Variants in STS observed in about 807,000 individuals in gnomAD.
The protein encoded by STS is steryl-sulfatase.
STS carries 7 observed loss-of-function variants against 26.8 expected under a neutral mutation model. That is an observed-to-expected ratio of 0.26 (90% CI 0.15 to 0.49). The LOEUF is 0.49. Ranked by LOEUF, STS falls within the 20% of genes least tolerant of loss-of-function variation. The pLI, the probability that STS is intolerant of heterozygous loss-of-function variation, is 0.98. For missense variants in STS, 434 were observed against 465.6 expected, an observed-to-expected ratio of 0.93 and a Z score of 0.63; for synonymous variants, 199 against 189.4, an observed-to-expected ratio of 1.05 and a Z score of -0.42.
chrX:7,308,576 C>T (rs748908826), intron 8 of STS, among the ~76,000 whole-genome samples: 3 of 111,450 alleles, frequency 2.7e-5, no homozygotes, highest in Non-Finnish European at 5.7e-5. Flanking sequence ...TATCATACAA[C>T]CCTGCAAGCA....
intron 1 of STS, among the ~76,000 whole-genome samples, chrX:7,151,517 G>A (rs1178399752): frequency 8.9e-6 from 1 of 111,946 alleles, no homozygotes; most frequent in African/African-American, 3.2e-5. Context: ...TTGCTTCAGA[G>A]GCACTGAATA....
At chrX:7,209,703 G>T (rs374314665) in intron 2 of STS, among the ~76,000 whole-genome samples, 1 of 106,660 alleles carries the variant, frequency 9.4e-6, no homozygotes, top group South Asian at 4.1e-4. Context: ...GAACGTGCAG[G>T]TTAGTTACAT....
chrX:7,202,286 T>G (rs1229317731), intron 2 of STS, among the ~76,000 whole-genome samples: 1 of 111,838 alleles, frequency 8.9e-6, no homozygotes, highest in Non-Finnish European at 1.9e-5. Context: ...AGTATCTTTG[T>G]TATTGACTCA....
intron 2 of STS, among the ~76,000 whole-genome samples, chrX:7,193,451 C>CT (rs11385075): frequency 0.25 from 24,754 of 98,395 alleles, 2,677 homozygotes; most frequent in Admixed American, 0.4. Context: ...CTTTAAGTAC[C>CT]TTTTTTTTTT....
Position 7,324,575 on chromosome X carries a change from T to C in STS, c.1082-764T>C, listed in dbSNP as rs529936525. Reference sequence around the variant, plus strand: ...TTCTATCAGGGCCTGCTATCTGTCGTGTTGGTATCTTATGGCTACAAACAG... The same window carrying C: ...TTCTATCAGGGCCTGCTATCTGTCGCGTTGGTATCTTATGGCTACAAACAG... On this transcript the variant is annotated intron_variant, in intron 8 of 10. Coordinates refer to ENST00000674429, the MANE Select transcript of STS (RefSeq NM_001320752.2). Among the ~76,000 whole-genome samples the C allele has an allele frequency of 9.0e-5, 10 of 111,717 alleles. No individual in the cohort carries two copies. The South Asian group carries it at 3.8e-3, about 43-fold the overall frequency.
intron 2 of STS, among the ~76,000 whole-genome samples, chrX:7,249,010 A>G (rs138343684): frequency 1.8e-5 from 2 of 111,318 alleles, no homozygotes; most frequent in Non-Finnish European, 3.8e-5. Context: ...GGTGTATTCT[A>G]TCCAAGATAC....
At chrX:7,205,802 G>C (rs1349346894) in intron 2 of STS, among the ~76,000 whole-genome samples, 2 of 108,952 alleles carry the variant, frequency 1.8e-5, no homozygotes, top group Non-Finnish European at 3.8e-5. Flanking sequence ...AAATTGTAGA[G>C]ACAAGGTCTC....
intron 1 of STS, among the ~76,000 whole-genome samples, chrX:7,177,952 G>A (rs1364524718): frequency 4.5e-5 from 5 of 111,163 alleles, no homozygotes; most frequent in East Asian, 2.8e-4. Flanking sequence ...GGCACATGCC[G>A]CCATTTCTAG....
At position 7,212,691 on chromosome X, in the gene STS, T is replaced by C. The variant is rs780248160; in HGVS notation, c.-5+21683T>C. Among the ~76,000 whole-genome samples the C allele has an allele frequency of 9.8e-5, 11 of 111,713 alleles. No homozygotes were observed. The East Asian group carries it at 3.1e-3, about 32-fold the overall frequency. ...ATACGTAGTTATTTATACATATATG[T>C]CCCATAATTTTTTCCTTTCAAGGTA... On this transcript the variant is annotated intron_variant, in intron 2 of 10. Transcript: ENST00000674429.
chrX:7,247,256 C>G (rs1397521021), intron 2 of STS, among the ~76,000 whole-genome samples: 2 of 112,103 alleles, frequency 1.8e-5, no homozygotes, highest in South Asian at 7.4e-4. Context: ...GTCAATCACT[C>G]AATCACTTTG....
At chrX:7,335,824 T>G (rs1927991978) in intron 10 of STS, among the ~76,000 whole-genome samples, 1 of 112,003 alleles carries the variant, frequency 8.9e-6, no homozygotes, top group Non-Finnish European at 1.9e-5. Context: ...GCTTTCTCCA[T>G]ATGGCTAGCC....
intron 6 of STS, among the ~76,000 whole-genome samples, chrX:7,270,442 C>T (rs896501686): frequency 8.9e-6 from 1 of 111,844 alleles, no homozygotes; most frequent in Admixed American, 9.5e-5. Context: ...TGCAGGAAAG[C>T]CAGTGATTTA....
rs1928934132 is a variant in STS at position 7,354,582 on chromosome X, T to A, written c.*4321T>A. On this transcript the variant is annotated 3_prime_UTR_variant, in exon 11 of 11. Coordinates refer to ENST00000674429, the MANE Select transcript of STS (RefSeq NM_001320752.2). ...TGTTGCAAGATATCACTCAAGCCAG[T>A]GTTGCTTAATACCATCTCTTTGTGT... 8.9e-6 allele frequency: 1 copy of A among 111,919 alleles called. No individual in the cohort carries two copies. Among genetic ancestry groups the A allele is most frequent in the Non-Finnish European group, 1.9e-5 (1 of 53,266 alleles). 9.2% of individuals were successfully genotyped at this position (111,919 alleles called of 1,213,427 possible).
rs144257122 is a variant in STS, at chrX:7,308,431, G to A, written c.1081+3248G>A. Among the ~76,000 whole-genome samples, 476 of 111,539 alleles carry A rather than the reference G, an allele frequency of 4.3e-3. 4 individuals are homozygous for A. Among genetic ancestry groups the A allele is most frequent in the African/African-American group, 0.015 (453 of 30,683 alleles). ...GAGGGGACCCCTGACTGACAATCCC[G>A]GGGAAGTTTCATGGGACAGAGAAGG... On this transcript the variant is annotated intron_variant, in intron 8 of 10. Coordinates refer to ENST00000674429, the MANE Select transcript of STS (RefSeq NM_001320752.2).
rs1244711936 is a variant in STS, at chrX:7,279,401, A to ATG, written c.943+3324_943+3325dup. 7.7e-3 allele frequency among the ~76,000 whole-genome samples: 387 copies of ATG among 50,291 alleles called. 1 individual carries two copies. The highest frequency in any genetic ancestry group is 0.01 in the Non-Finnish European group (288 of 28,108). 43.7% of individuals were successfully genotyped at this position (50,291 alleles called of 115,157 possible). A position where few individuals can be genotyped will look rare whatever the true frequency, so the allele number is the denominator to read the frequency against. On this transcript the variant is annotated intron_variant, in intron 7 of 10. Transcript: ENST00000674429. ...TGTATATATATGTGTGTGTATATAT[A>ATG]TGTGTGTGTGTCTGTGTGTGTGTGT...
chrX:7,276,470 T>TA (rs1341778843), intron 7 of STS, among the ~76,000 whole-genome samples: 1 of 110,692 alleles, frequency 9.0e-6, no homozygotes, highest in African/African-American at 3.3e-5. Context: ...CCTTGTCTCT[T>TA]AAAAAAAATA....
At chrX:7,170,161 C>T (rs1933438398) in intron 1 of STS, among the ~76,000 whole-genome samples, 1 of 110,741 alleles carries the variant, frequency 9.0e-6, no homozygotes, top group African/African-American at 3.3e-5. Flanking sequence ...CCCCAGAAGA[C>T]AATAGGGCAA....
chrX:7,329,271 G>A (rs1927637217), intron 9 of STS, among the ~76,000 whole-genome samples: 1 of 112,003 alleles, frequency 8.9e-6, no homozygotes, highest in South Asian at 3.8e-4. Context: ...TCAATGCCTG[G>A]AGACATTTTT....
At chrX:7,246,777 G>A (rs961580467) in intron 2 of STS, among the ~76,000 whole-genome samples, 1 of 112,167 alleles carries the variant, frequency 8.9e-6, no homozygotes, top group Non-Finnish European at 1.9e-5. Context: ...TGTGTCTTAG[G>A]CCAGCATGAA....
Sources: gnomAD v4.1 joint callset for allele counts (sites outside exome capture counted in the v4.1 genomes callset) on GRCh38, gnomAD v4.1.1 for gene constraint, MANE v1.5 for transcripts, NCBI Gene and HGNC (gene_info 2026-07-23, HGNC 2026-07-21) for gene names.